RPTOR: variants seen among roughly 807,000 people sequenced by gnomAD.
RPTOR encodes the protein regulatory-associated protein of mTOR.
Under a neutral mutation model 169.9 loss-of-function variants are expected in RPTOR, and 21 were observed. That is an observed-to-expected ratio of 0.12 (90% CI 0.09 to 0.18). RPTOR has a LOEUF of 0.18. Among genes scored for constraint, RPTOR ranks in the 10% least tolerant of loss-of-function variants. RPTOR has a pLI of 1.00. For synonymous variants in RPTOR, 732 were observed against 753.2 expected (o/e 0.97, Z 0.46); for missense variants, 1,133 against 1,855.9 (o/e 0.61, Z 7.16).
intron 24 of RPTOR, among the ~76,000 whole-genome samples, chr17:80,926,349 C>T (rs1438052706): frequency 2.0e-5 from 3 of 152,194 alleles, no homozygotes; most frequent in African/African-American, 4.8e-5. Flanking sequence ...GAGAGGAGTT[C>T]GCCTCCCTCT....
rs1406500552 is a variant in RPTOR at position 80,659,206 on chromosome 17, C to T, written c.348+15396C>T. On this transcript the variant is annotated intron_variant, in intron 3 of 33. Transcript: ENST00000306801. This position sits in a 1 kb window ranked among gnomAD's most constrained non-coding sequence, Gnocchi z 4.3. ...GCTGTTAGGAGAGGGAAGAGCTGCA[C>T]TCATGCACACAGGGTGACCCTGGGT... Among the ~76,000 whole-genome samples the T allele has an allele frequency of 6.6e-6, 1 of 152,196 alleles. No homozygotes were observed. The highest frequency in any genetic ancestry group is 2.4e-5 in the African/African-American group (1 of 41,448).
At chr17:80,940,642 G>C (rs749363790) in intron 25 of RPTOR, 41 bp downstream of exon 25, 1 of 1,525,592 alleles carries the variant, frequency 6.6e-7, no homozygotes, top group Non-Finnish European at 8.9e-7. Context: ...TCATTCCGGG[G>C]GTGGGGCCTG....
chr17:80,717,461 T>C (rs2066248743), intron 4 of RPTOR, among the ~76,000 whole-genome samples: 1 of 152,232 alleles, frequency 6.6e-6, no homozygotes. Flanking sequence ...TGGTTGTATT[T>C]TCCCCCACTG....
At chr17:80,926,866 TAAGCACG>T (rs1300745573) in intron 24 of RPTOR, among the ~76,000 whole-genome samples, 2 of 152,198 alleles carry the variant, frequency 1.3e-5, no homozygotes, top group Non-Finnish European at 2.9e-5. Context: ...GTTTCTACAC[TAAGCACG>T]AAGCACCTTT....
At chr17:80,636,873 G>A (rs1202671431) in intron 2 of RPTOR, among the ~76,000 whole-genome samples, 1 of 152,218 alleles carries the variant, frequency 6.6e-6, no homozygotes, top group Non-Finnish European at 1.5e-5. Context: ...CTACGAAAGA[G>A]GGCTGCAGTG....
At chr17:80,793,816 T>C (rs2067074121) in intron 7 of RPTOR, among the ~76,000 whole-genome samples, 1 of 152,266 alleles carries the variant, frequency 6.6e-6, no homozygotes, top group African/African-American at 2.4e-5. Context: ...TTTTAGGTTA[T>C]TGAGTCAAAC....
intron 28 of RPTOR, among the ~76,000 whole-genome samples, chr17:80,954,310 C>A: frequency 6.6e-6 from 1 of 152,218 alleles, no homozygotes. Flanking sequence ...TTAGTAGAGA[C>A]GGTGTTTCAC....
intron 6 of RPTOR, among the ~76,000 whole-genome samples, chr17:80,765,637 C>T (rs944767699): frequency 1.1e-4 from 17 of 152,056 alleles, no homozygotes; most frequent in Admixed American, 3.3e-4. Context: ...CCCAGGCTCC[C>T]GAACTGACAG....
At chr17:80,883,026 A>G (rs1234090348) in intron 14 of RPTOR, among the ~76,000 whole-genome samples, 1 of 152,252 alleles carries the variant, frequency 6.6e-6, no homozygotes, top group African/African-American at 2.4e-5. Flanking sequence ...CGCTGCCTCC[A>G]TGCCTTTTGC....
At chr17:80,758,128 T>A (rs2066699619) in intron 6 of RPTOR, among the ~76,000 whole-genome samples, 1 of 152,188 alleles carries the variant, frequency 6.6e-6, no homozygotes, top group Non-Finnish European at 1.5e-5. Context: ...GTTGAGGAGA[T>A]AAGATGTGGC....
intron 21 of RPTOR, among the ~76,000 whole-genome samples, chr17:80,913,729 A>C (rs1348044188): frequency 6.6e-6 from 1 of 152,202 alleles, no homozygotes; most frequent in Non-Finnish European, 1.5e-5. Context: ...CCAGGATTAC[A>C]GGCATGAGCC....
chr17:80,715,198 G>A lies in RPTOR; in HGVS notation c.507+7199G>A, dbSNP rs542814033. Among the ~76,000 whole-genome samples the A allele has an allele frequency of 2.6e-4, 40 of 152,266 alleles. No individual in the cohort carries two copies. The East Asian group carries it at 4.8e-3, about 18-fold the overall frequency. On this transcript the variant is annotated intron_variant, in intron 4 of 33. Coordinates refer to ENST00000306801, the MANE Select transcript of RPTOR (RefSeq NM_020761.3). Reference sequence around the variant, plus strand: ...TCAGTAAAAGTTGACGAATCTCTACGTAGGTAGATCAGTGAAGAAAGAGAG... The same window carrying A: ...TCAGTAAAAGTTGACGAATCTCTACATAGGTAGATCAGTGAAGAAAGAGAG...
At chr17:80,937,359 T>A (rs1490756841) in intron 24 of RPTOR, among the ~76,000 whole-genome samples, 1 of 152,162 alleles carries the variant, frequency 6.6e-6, no homozygotes, top group East Asian at 1.9e-4. Context: ...GCTCCCAGAT[T>A]CCCCGGATAA....
At chr17:80,701,436 A>T (rs1489515768) in intron 3 of RPTOR, among the ~76,000 whole-genome samples, 2 of 152,166 alleles carry the variant, frequency 1.3e-5, no homozygotes, top group African/African-American at 2.4e-5. Context: ...GGTGAGGGTA[A>T]ACAAGGGCTA....
chr17:80,903,025 A>G (rs1448942227), intron 20 of RPTOR, among the ~76,000 whole-genome samples: 1 of 152,236 alleles, frequency 6.6e-6, no homozygotes, highest in East Asian at 1.9e-4. Context: ...AGATGGGACC[A>G]GTTTTCACGA....
rs1406794942 is a variant in RPTOR, at chr17:80,707,160, A to G, written c.349-681A>G. Reference sequence around the variant, plus strand: ...TACTCGGTCTCTTCACTCTTCTGCCATTGCTGCCATGTGTACATTGCAGGC... The same window carrying G: ...TACTCGGTCTCTTCACTCTTCTGCCGTTGCTGCCATGTGTACATTGCAGGC... On this transcript the variant is annotated intron_variant, in intron 3 of 33. Transcript: ENST00000306801. This position sits in a 1 kb window ranked among gnomAD's most constrained non-coding sequence, Gnocchi z 5.0. 6.6e-6 allele frequency among the ~76,000 whole-genome samples: 1 copy of G among 152,184 alleles called. No homozygotes were observed. The highest frequency in any genetic ancestry group is 1.5e-5 in the Non-Finnish European group (1 of 68,030).
At chr17:80,555,479 C>T (rs1428828516) in intron 1 of RPTOR, among the ~76,000 whole-genome samples, 2 of 152,172 alleles carry the variant, frequency 1.3e-5, no homozygotes, top group Non-Finnish European at 2.9e-5. Flanking sequence ...GGAGGAATGT[C>T]CACTCTGTCT....
At chr17:80,631,529 C>T (rs1017573237) in intron 2 of RPTOR, among the ~76,000 whole-genome samples, 4 of 152,114 alleles carry the variant, frequency 2.6e-5, no homozygotes, top group Non-Finnish European at 4.4e-5. Flanking sequence ...TCGGAGAGGA[C>T]GGGCCTGTGG....
At chr17:80,585,125 GGTTA>G (rs1490524337) in intron 1 of RPTOR, among the ~76,000 whole-genome samples, 4 of 151,372 alleles carry the variant, frequency 2.6e-5, no homozygotes, top group African/African-American at 9.7e-5. Flanking sequence ...GTAAGAATGT[GGTTA>G]GTTTTATAAT....
Sources: allele counts gnomAD v4.1 joint callset (sites outside exome capture counted in the v4.1 genomes callset), GRCh38; gene constraint gnomAD v4.1.1; non-coding constraint Gnocchi (gnomAD v3.1); transcripts MANE v1.5; gene names NCBI Gene and HGNC (gene_info 2026-07-23, HGNC 2026-07-21).